Variants in BTRC observed in about 807,000 individuals in gnomAD.
BTRC encodes F-box/WD repeat-containing protein 1A.
In BTRC, 42 loss-of-function variants were observed where a neutral mutation model predicts 85.5. The observed-to-expected ratio is 0.49, with a 90% CI of 0.38 to 0.64. BTRC has a LOEUF of 0.64. BTRC is among the 30% of genes least tolerant of loss of function. BTRC has a pLI of 0.00. For synonymous variants in BTRC, 255 were observed against 263.3 expected, an observed-to-expected ratio of 0.97 and a Z score of 0.30; for missense variants, 594 against 743.5, an observed-to-expected ratio of 0.80 and a Z score of 2.34.
At chr10:101,430,323 C>T (rs1944368861) in intron 1 of BTRC, 22 bp from the exon 2 acceptor site, 2 of 1,573,296 alleles carry the variant, frequency 1.3e-6, no homozygotes, top group South Asian at 2.2e-5. Flanking sequence ...TGTCCCATCT[C>T]ATAGTTGTCC....
At chr10:101,511,222 C>T (rs1380076021) in intron 4 of BTRC, among the ~76,000 whole-genome samples, 1 of 152,134 alleles carries the variant, frequency 6.6e-6, no homozygotes, top group East Asian at 1.9e-4. Flanking sequence ...TTCATTCTGC[C>T]CAGCCACATT....
intron 4 of BTRC, among the ~76,000 whole-genome samples, chr10:101,519,728 G>T (rs2062075670): frequency 1.3e-5 from 2 of 152,146 alleles, no homozygotes; most frequent in Admixed American, 1.3e-4. Context: ...AGGTGCAGTG[G>T]CTCACGCCTG....
chr10:101,476,414 A>G (rs1945688311), intron 3 of BTRC, among the ~76,000 whole-genome samples: 1 of 152,226 alleles, frequency 6.6e-6, no homozygotes, highest in Admixed American at 6.5e-5. Flanking sequence ...GTAATTATGT[A>G]AGATATTAAC....
At chr10:101,363,957 G>T (rs111435252) in intron 1 of BTRC, among the ~76,000 whole-genome samples, 2 of 152,090 alleles carry the variant, frequency 1.3e-5, no homozygotes, top group African/African-American at 4.8e-5. Flanking sequence ...ACAGTGATAG[G>T]TATTTATTCT....
In BTRC at chr10:101,354,502, G is replaced by C. The variant is rs996995257; in HGVS notation, c.48+274G>C. The C allele has an allele frequency of 2.3e-5, 11 of 483,430 alleles. No homozygotes were observed. The African/African-American group carries it at 2.3e-4, about 10-fold the overall frequency. The allele number at this position is 483,430 out of a possible 1,614,324, so 29.9% of individuals were successfully genotyped here. A position where few individuals can be genotyped will look rare whatever the true frequency, so the allele number is the denominator to read the frequency against. On this transcript the variant is annotated intron_variant, in intron 1 of 14. Coordinates refer to ENST00000370187, the MANE Select transcript of BTRC (RefSeq NM_033637.4). ...GGAGGGGGCTCCAGGCGGCGCGCGG[G>C]GCCCTGGAGGGAAAGGGGCGTGGGG...
At chr10:101,421,502 A>G (rs972788763) in intron 1 of BTRC, among the ~76,000 whole-genome samples, 3 of 152,044 alleles carry the variant, frequency 2.0e-5, no homozygotes, top group African/African-American at 7.2e-5. Context: ...GTTCTAGGGT[A>G]CATGTGCACA....
intron 13 of BTRC, among the ~76,000 whole-genome samples, chr10:101,543,767 A>C (rs2062514868): frequency 6.6e-6 from 1 of 152,150 alleles, no homozygotes; most frequent in Non-Finnish European, 1.5e-5. Flanking sequence ...TTCATGTATA[A>C]TGTAGGAAAC....
Position 101,366,862 on chromosome 10 carries a change from A to ATG in BTRC, c.48+12635_48+12636insGT, listed in dbSNP as rs1363071699. Among the ~76,000 whole-genome samples the ATG allele has an allele frequency of 1.4e-3, 41 of 28,728 alleles. 3 individuals are homozygous for ATG. Among genetic ancestry groups the ATG allele is most frequent in the African/African-American group, 4.5e-3 (31 of 6,874 alleles). 18.8% of individuals were successfully genotyped at this position (28,728 alleles called of 152,430 possible). ...TATTTATGTATATTAATATATATTT[A>ATG]TATATTAATATATATTTATATATAT... On this transcript the variant is annotated intron_variant, in intron 1 of 14. Coordinates refer to ENST00000370187, the MANE Select transcript of BTRC (RefSeq NM_033637.4).
At chr10:101,409,363 A>G (rs1943714660) in intron 1 of BTRC, among the ~76,000 whole-genome samples, 1 of 152,112 alleles carries the variant, frequency 6.6e-6, no homozygotes, top group Non-Finnish European at 1.5e-5. Flanking sequence ...CACTTACCAT[A>G]TTTTTGAGGT....
chr10:101,435,726 T>C (rs1254684127), intron 2 of BTRC, among the ~76,000 whole-genome samples: 1 of 152,178 alleles, frequency 6.6e-6, no homozygotes, highest in Non-Finnish European at 1.5e-5. Flanking sequence ...ATGGAATTTG[T>C]TGGGTCATAG....
In BTRC at chr10:101,363,303, C is replaced by G. The variant is rs138959296; in HGVS notation, c.48+9075C>G. On this transcript the variant is annotated intron_variant, in intron 1 of 14. Transcript: ENST00000370187. ...CAGTCTGACTTGAGAGCCTTACTTA[C>G]GTGCAGTATACTTCCTCTTTGAAGA... Among the ~76,000 whole-genome samples, 10 of 152,230 alleles carry G rather than the reference C, an allele frequency of 6.6e-5. No individual in the cohort carries two copies. The East Asian group carries it at 1.7e-3, about 26-fold the overall frequency.
At chr10:101,459,735 T>C (rs1458703399) in intron 2 of BTRC, among the ~76,000 whole-genome samples, 1 of 152,202 alleles carries the variant, frequency 6.6e-6, no homozygotes, top group Non-Finnish European at 1.5e-5. Flanking sequence ...CTTTGTGTTT[T>C]CATTCTTTAG....
At position 101,554,454 on chromosome 10, in the gene BTRC, ATC is replaced by A. The variant is rs1472287300; in HGVS notation, c.*1336_*1337del. 2 of 152,622 alleles carry A rather than the reference ATC, an allele frequency of 1.3e-5. No individual in the cohort carries two copies. The highest frequency in any genetic ancestry group is 2.9e-5 in the Non-Finnish European group (2 of 68,028). The allele number at this position is 152,622 out of a possible 1,614,324, so 9.5% of individuals were successfully genotyped here. Reference sequence around the variant, plus strand: ...GTTTTGTTTTGGCCAGTTAAATATCATCTCTCAAATATTGATCTCACCGTGTC... The same window carrying A: ...GTTTTGTTTTGGCCAGTTAAATATCATCTCAAATATTGATCTCACCGTGTC... On this transcript the variant is annotated 3_prime_UTR_variant, in exon 15 of 15. Transcript: ENST00000370187.
chr10:101,420,182 TTTTC>T (rs1256772957), intron 1 of BTRC, among the ~76,000 whole-genome samples: 4 of 152,078 alleles, frequency 2.6e-5, no homozygotes, highest in African/African-American at 4.8e-5. Flanking sequence ...TTCATTCTAG[TTTTC>T]TTTCTTTCTA....
At chr10:101,450,046 G>A (rs1336595837) in intron 2 of BTRC, among the ~76,000 whole-genome samples, 2 of 140,196 alleles carry the variant, frequency 1.4e-5, no homozygotes, top group East Asian at 2.1e-4. Flanking sequence ...GTTTTTTTTT[G>A]TTTGTTTTTA....
intron 1 of BTRC, among the ~76,000 whole-genome samples, chr10:101,387,712 C>T (rs1378772594): frequency 6.0e-5 from 9 of 148,930 alleles, no homozygotes; most frequent in African/African-American, 1.5e-4. Flanking sequence ...TTTCTTGAGA[C>T]GGAGTCTTGC....
In BTRC at chr10:101,479,576, TACAA is replaced by T. The variant is rs567132261; in HGVS notation, c.324+123_324+126del. On this transcript the variant is annotated intron_variant, in intron 4 of 14. Transcript: ENST00000370187. ...CAGGATTATATAGTTAAGAAAAAAA[TACAA>T]ACAGGCATCATTTTATCTAGAACAG... 1.0e-3 allele frequency: 679 copies of T among 675,538 alleles called. 5 individuals carry two copies. In the African/African-American group the frequency reaches 0.011, roughly 11 times the overall value. 41.8% of individuals were successfully genotyped at this position (675,538 alleles called of 1,614,324 possible).
At chr10:101,369,008 G>A (rs1942557963) in intron 1 of BTRC, among the ~76,000 whole-genome samples, 1 of 152,112 alleles carries the variant, frequency 6.6e-6, no homozygotes, top group Non-Finnish European at 1.5e-5. Flanking sequence ...GACAGAGCGA[G>A]ACTCCATCTT....
chr10:101,528,395 A>G (rs1007290263), intron 6 of BTRC, among the ~76,000 whole-genome samples: 1 of 152,204 alleles, frequency 6.6e-6, no homozygotes, highest in Non-Finnish European at 1.5e-5. Context: ...AATCATTGAG[A>G]AGATGGCTTT....
Sources: allele counts gnomAD v4.1 joint callset (sites outside exome capture counted in the v4.1 genomes callset), GRCh38; gene constraint gnomAD v4.1.1; transcripts MANE v1.5; gene names NCBI Gene and HGNC (gene_info 2026-07-23, HGNC 2026-07-21).